PPM1L: variants seen among roughly 807,000 people sequenced by gnomAD.
The protein encoded by PPM1L is protein phosphatase 1L.
In PPM1L, 13 loss-of-function variants were observed where a neutral mutation model predicts 31.4. The observed-to-expected ratio is 0.41, with a 90% CI of 0.27 to 0.66. PPM1L has a LOEUF of 0.66. PPM1L is among the 30% of genes least tolerant of loss of function. The pLI, the probability that PPM1L is intolerant of heterozygous loss-of-function variation, is 0.29. For synonymous variants in PPM1L, 184 were observed against 175.4 expected, an observed-to-expected ratio of 1.05 and a Z score of -0.39; for missense variants, 326 against 453.7, an observed-to-expected ratio of 0.72 and a Z score of 2.56.
intron 1 of PPM1L, among the ~76,000 whole-genome samples, chr3:160,814,982 T>C (rs1712951092): frequency 6.6e-6 from 1 of 151,992 alleles, no homozygotes; most frequent in Admixed American, 6.6e-5. Flanking sequence ...AATGATACAA[T>C]GGACTTTCGG....
chr3:161,018,777 G>A (rs1046124747), intron 2 of PPM1L, among the ~76,000 whole-genome samples: 1 of 152,198 alleles, frequency 6.6e-6, no homozygotes, highest in Non-Finnish European at 1.5e-5. Context: ...GGAAGCTGAT[G>A]ACAAGAATCG....
intron 1 of PPM1L, among the ~76,000 whole-genome samples, chr3:160,860,542 G>C (rs1711851109): frequency 6.6e-6 from 1 of 152,168 alleles, no homozygotes. Flanking sequence ...CATCCAGCTG[G>C]CATCATTGCA....
chr3:160,853,956 A>G (rs765896923), intron 1 of PPM1L, among the ~76,000 whole-genome samples: 2 of 152,180 alleles, frequency 1.3e-5, no homozygotes, highest in Non-Finnish European at 2.9e-5. Context: ...CTTTCCCTAC[A>G]CAAGTAGGTA....
intron 1 of PPM1L, among the ~76,000 whole-genome samples, chr3:160,844,871 C>T (rs1052380157): frequency 6.6e-6 from 1 of 152,022 alleles, no homozygotes; most frequent in African/African-American, 2.4e-5. Context: ...CAAGCAGAAG[C>T]TTTGTACCCA....
At chr3:161,031,347 T>C (rs1718556605) in intron 2 of PPM1L, among the ~76,000 whole-genome samples, 1 of 152,182 alleles carries the variant, frequency 6.6e-6, no homozygotes, top group Non-Finnish European at 1.5e-5. Context: ...AGGATGCATA[T>C]TGCTGAAACC....
At chr3:161,045,532 A>C (rs920574578) in intron 2 of PPM1L, among the ~76,000 whole-genome samples, 1 of 152,218 alleles carries the variant, frequency 6.6e-6, no homozygotes, top group Non-Finnish European at 1.5e-5. Flanking sequence ...CTGGGTGTAT[A>C]ACGAAATGAA....
At chr3:160,924,946 A>T (rs934273553) in intron 1 of PPM1L, among the ~76,000 whole-genome samples, 14 of 152,216 alleles carry the variant, frequency 9.2e-5, no homozygotes. Flanking sequence ...ATAAAACCTC[A>T]TTGCAGACAT....
At chr3:161,047,017 T>A (rs1388167456) in intron 2 of PPM1L, among the ~76,000 whole-genome samples, 4 of 152,194 alleles carry the variant, frequency 2.6e-5, no homozygotes, top group Non-Finnish European at 5.9e-5. Context: ...GCATTCCCTT[T>A]GAAAACTGGC....
At chr3:160,999,377 G>A (rs1056543114) in intron 2 of PPM1L, among the ~76,000 whole-genome samples, 2 of 152,108 alleles carry the variant, frequency 1.3e-5, no homozygotes, top group African/African-American at 4.8e-5. Flanking sequence ...ATATTTCACT[G>A]CCCTAATCTA....
chr3:161,049,744 TA>T (rs1267617852), intron 2 of PPM1L, among the ~76,000 whole-genome samples: 2 of 152,216 alleles, frequency 1.3e-5, no homozygotes, highest in Non-Finnish European at 2.9e-5. Context: ...GTTTAGTTAA[TA>T]ACATTTCCTG....
At chr3:160,914,665 A>G (rs1714096663) in intron 1 of PPM1L, among the ~76,000 whole-genome samples, 1 of 152,144 alleles carries the variant, frequency 6.6e-6, no homozygotes, top group Admixed American at 6.5e-5. Flanking sequence ...TATATGTGCC[A>G]CATTTTCTTG....
rs1056306857 is a variant in PPM1L, at chr3:160,855,495, G to A, written c.399+98788G>A. Reference sequence around the variant, plus strand: ...ATGCATCTAGCAAAGGCTAATATCCGTAATCTGTAAGGAACTTAAATTAAC... The same window carrying A: ...ATGCATCTAGCAAAGGCTAATATCCATAATCTGTAAGGAACTTAAATTAAC... On this transcript the variant is annotated intron_variant, in intron 1 of 3. Transcript: ENST00000498165. Among the ~76,000 whole-genome samples, 4 of 152,204 alleles carry A rather than the reference G, an allele frequency of 2.6e-5. 1 individual carries two copies. Among genetic ancestry groups the A allele is most frequent in the African/African-American group, 4.8e-5 (2 of 41,550 alleles).
intron 1 of PPM1L, among the ~76,000 whole-genome samples, chr3:160,880,638 A>G (rs1170030190): frequency 6.6e-6 from 1 of 152,182 alleles, no homozygotes. Context: ...TTAAAAAAAA[A>G]AAAAGTCAAG....
chr3:160,993,206 A>C (rs1051061286), intron 2 of PPM1L, among the ~76,000 whole-genome samples: 2 of 152,092 alleles, frequency 1.3e-5, no homozygotes, highest in Non-Finnish European at 2.9e-5. Context: ...TATTCCTGCT[A>C]TTGCCTTTAT....
chr3:160,946,821 A>G (rs1200160145), intron 1 of PPM1L, among the ~76,000 whole-genome samples: 1 of 152,170 alleles, frequency 6.6e-6, no homozygotes, highest in African/African-American at 2.4e-5. Flanking sequence ...TTTTGGGGCA[A>G]GAATTTTACA....
intron 2 of PPM1L, among the ~76,000 whole-genome samples, chr3:161,047,016 T>G (rs993366262): frequency 2.0e-5 from 3 of 152,172 alleles, no homozygotes. Context: ...GGCATTCCCT[T>G]TGAAAACTGG....
At chr3:160,779,288 A>G (rs1355060420) in intron 1 of PPM1L, among the ~76,000 whole-genome samples, 1 of 152,188 alleles carries the variant, frequency 6.6e-6, no homozygotes, top group Non-Finnish European at 1.5e-5. Context: ...GAAGGCAGAG[A>G]AGGGGATAGA....
chr3:160,834,214 G>A (rs1009561976), intron 1 of PPM1L, among the ~76,000 whole-genome samples: 2 of 151,798 alleles, frequency 1.3e-5, no homozygotes, highest in Non-Finnish European at 2.9e-5. Context: ...TAGTAGAGAT[G>A]GGGTTTCACT....
intron 2 of PPM1L, among the ~76,000 whole-genome samples, chr3:161,049,762 C>T (rs1290101541): frequency 6.6e-6 from 1 of 152,176 alleles, no homozygotes; most frequent in Non-Finnish European, 1.5e-5. Flanking sequence ...CCTGTTGTGA[C>T]TTGATATCTG....
Sources: allele counts gnomAD v4.1 joint callset (sites outside exome capture counted in the v4.1 genomes callset), GRCh38; gene constraint gnomAD v4.1.1; transcripts MANE v1.5; gene names NCBI Gene and HGNC (gene_info 2026-07-23, HGNC 2026-07-21).